The following CADM2 variants were observed in gnomAD, a reference collection of about 807,000 sequenced individuals.
CADM2 encodes immunoglobulin superfamily member 4D.
In CADM2, 12 loss-of-function variants were observed where a neutral mutation model predicts 49.8. The observed-to-expected ratio is 0.24, with a 90% CI of 0.15 to 0.39. CADM2 has a LOEUF of 0.39. CADM2 is among the 10% of genes least tolerant of loss of function. The pLI is 1.00. For missense variants in CADM2, 378 were observed against 492.3 expected (o/e 0.77, Z 2.20); for synonymous variants, 214 against 175.4 (o/e 1.22, Z -1.74).
At chr3:85,924,626 A>G (rs979824334) in intron 6 of CADM2, among the ~76,000 whole-genome samples, 2 of 151,786 alleles carry the variant, frequency 1.3e-5, no homozygotes, top group African/African-American at 4.8e-5. Context: ...TAAATAAATA[A>G]GAATTAAAAT....
chr3:85,869,138 T>C (rs1377624979), intron 3 of CADM2, among the ~76,000 whole-genome samples: 1 of 152,182 alleles, frequency 6.6e-6, no homozygotes, highest in African/African-American at 2.4e-5. Flanking sequence ...AATTCATTTT[T>C]GTCTGTTATG....
At chr3:85,442,751 T>G (rs1312088960) in intron 1 of CADM2, among the ~76,000 whole-genome samples, 1 of 150,768 alleles carries the variant, frequency 6.6e-6, no homozygotes, top group African/African-American at 2.4e-5. Context: ...AAGAATATAT[T>G]TACAATATTT....
At chr3:85,845,373 C>G (rs1460972486) in intron 3 of CADM2, among the ~76,000 whole-genome samples, 1 of 152,050 alleles carries the variant, frequency 6.6e-6, no homozygotes, top group African/African-American at 2.4e-5. Context: ...GAAGGTCTCC[C>G]TCCGGAGACC....
chr3:85,156,730 T>G (rs2040137787), intron 1 of CADM2, among the ~76,000 whole-genome samples: 1 of 152,176 alleles, frequency 6.6e-6, no homozygotes, highest in Non-Finnish European at 1.5e-5. Context: ...ACAGCCAATA[T>G]CATACTGAAG....
intron 1 of CADM2, among the ~76,000 whole-genome samples, chr3:85,038,129 C>T (rs951632483): frequency 6.6e-6 from 1 of 151,974 alleles, no homozygotes; most frequent in African/African-American, 2.4e-5. Flanking sequence ...TTTCCTTAAC[C>T]TCCTCTAAAT....
At chr3:85,175,750 T>TTA (rs1422141120) in intron 1 of CADM2, among the ~76,000 whole-genome samples, 3 of 151,984 alleles carry the variant, frequency 2.0e-5, no homozygotes, top group Admixed American at 1.3e-4. Flanking sequence ...AAATTTCATA[T>TTA]TATATATATA....
chr3:85,651,297 TA>T (rs1473860132), intron 1 of CADM2, among the ~76,000 whole-genome samples: 1 of 152,144 alleles, frequency 6.6e-6, no homozygotes, highest in Admixed American at 6.5e-5. Context: ...TAGGTCAAAT[TA>T]AAGGTCACTT....
rs541791834 is a variant in CADM2 at position 85,145,424 on chromosome 3, G to A, written c.61+185756G>A. 5.9e-5 allele frequency among the ~76,000 whole-genome samples: 9 copies of A among 151,638 alleles called. No individual in the cohort carries two copies. The South Asian group carries it at 6.3e-4, about 11-fold the overall frequency. ...AATAAGGATGACTTTTTTTCCCACA[G>A]TATTTTCTGTCTCCTGGTGTCCCTG... is the stretch of plus-strand genomic sequence containing the variant. On this transcript the variant is annotated intron_variant, in intron 1 of 9. Coordinates refer to ENST00000383699, the MANE Select transcript of CADM2 (RefSeq NM_001167675.2).
chr3:85,185,415 G>A (rs2107712480), intron 1 of CADM2, among the ~76,000 whole-genome samples: 1 of 152,106 alleles, frequency 6.6e-6, no homozygotes, highest in South Asian at 2.1e-4. Flanking sequence ...TCTAAAGCAG[G>A]AGTGAATAAA....
chr3:86,031,703 C>T (rs1734578172), intron 8 of CADM2, among the ~76,000 whole-genome samples: 1 of 151,712 alleles, frequency 6.6e-6, no homozygotes, highest in Non-Finnish European at 1.5e-5. Flanking sequence ...AAGGCAATTA[C>T]ATTGCTTGGG....
At chr3:85,897,730 G>A (rs1715447840) in intron 5 of CADM2, among the ~76,000 whole-genome samples, 1 of 151,966 alleles carries the variant, frequency 6.6e-6, no homozygotes, top group Non-Finnish European at 1.5e-5. Context: ...TTGCAAAACT[G>A]GTTTTGTCCT....
chr3:86,013,634 C>T (rs1559800958), intron 8 of CADM2: 9 of 1,600,756 alleles, frequency 5.6e-6, no homozygotes, highest in South Asian at 1.1e-5. Context: ...TTATCACTGA[C>T]GATGTAGTGG....
intron 2 of CADM2, among the ~76,000 whole-genome samples, chr3:85,780,237 C>T (rs559139910): frequency 2.0e-5 from 3 of 152,180 alleles, no homozygotes; most frequent in East Asian, 1.9e-4. Flanking sequence ...AAGGGCTGTG[C>T]GTACTGGACA....
chr3:85,112,135 T>G (rs1161313046), intron 1 of CADM2, among the ~76,000 whole-genome samples: 1 of 151,906 alleles, frequency 6.6e-6, no homozygotes, highest in Non-Finnish European at 1.5e-5. Context: ...AAAGTGTTGT[T>G]GATGGAAACT....
intron 1 of CADM2, among the ~76,000 whole-genome samples, chr3:85,577,600 A>G (rs1169315626): frequency 1.3e-5 from 2 of 152,178 alleles, no homozygotes; most frequent in Non-Finnish European, 2.9e-5. Context: ...GCCAAGACAA[A>G]GGACATTTTT....
chr3:85,308,340 C>CACACACACAA (rs762259586), intron 1 of CADM2, among the ~76,000 whole-genome samples: 161 of 149,244 alleles, frequency 1.1e-3, no homozygotes, highest in African/African-American at 3.5e-3. Flanking sequence ...CACACACACA[C>CACACACACAA]AACACTCCAT....
intron 1 of CADM2, among the ~76,000 whole-genome samples, chr3:85,590,097 G>T (rs1468903333): frequency 6.6e-6 from 1 of 151,974 alleles, no homozygotes; most frequent in Non-Finnish European, 1.5e-5. Flanking sequence ...CCATCAGCTT[G>T]CTGGTCATGG....
intron 1 of CADM2, among the ~76,000 whole-genome samples, chr3:85,200,497 A>G (rs2041467784): frequency 6.6e-6 from 1 of 152,120 alleles, no homozygotes; most frequent in African/African-American, 2.4e-5. Context: ...TGGACTGAGT[A>G]TATGAATACA....
At chr3:85,684,363 C>A (rs1283573025) in intron 1 of CADM2, among the ~76,000 whole-genome samples, 1 of 152,078 alleles carries the variant, frequency 6.6e-6, no homozygotes. Flanking sequence ...GCACCTAGAT[C>A]TTACATTCCC....
Sources: gnomAD v4.1 joint callset for allele counts (sites outside exome capture counted in the v4.1 genomes callset) on GRCh38, gnomAD v4.1.1 for gene constraint, MANE v1.5 for transcripts, NCBI Gene and HGNC (gene_info 2026-07-23, HGNC 2026-07-21) for gene names.